MRPL1: variants seen among roughly 807,000 people sequenced by gnomAD.
The protein encoded by MRPL1 is large ribosomal subunit protein uL1m.
A neutral mutation model predicts 38.0 loss-of-function variants in MRPL1; 28 were observed. That is an observed-to-expected ratio of 0.74 (90% CI 0.55 to 1.01). The LOEUF (loss-of-function observed/expected upper bound fraction) is 1.01. MRPL1 is among the 50% of genes least tolerant of loss of function. MRPL1 has a pLI of 0.00. For synonymous variants in MRPL1, 123 were observed against 126.7 expected (o/e 0.97, Z 0.20); for missense variants, 358 against 389.8 (o/e 0.92, Z 0.69).
At chr4:77,902,405 A>AAC (rs1435237664) in intron 6 of MRPL1, among the ~76,000 whole-genome samples, 1 of 150,346 alleles carries the variant, frequency 6.7e-6, no homozygotes. Context: ...AAAAAAAAAA[A>AAC]CCGAGTTAGA....
chr4:77,864,111 T>C (rs754514746), intron 1 of MRPL1, among the ~76,000 whole-genome samples: 3 of 151,992 alleles, frequency 2.0e-5, no homozygotes, highest in Non-Finnish European at 4.4e-5. Flanking sequence ...GCCTACTTTG[T>C]GAGCAAACCA....
At chr4:77,904,191 G>T (rs1736101748) in intron 6 of MRPL1, among the ~76,000 whole-genome samples, 2 of 151,872 alleles carry the variant, frequency 1.3e-5, no homozygotes, top group South Asian at 4.2e-4. Context: ...AGGCTGCAGT[G>T]AGCTGAGATC....
Position 77,883,185 on chromosome 4 carries a change from T to A in MRPL1, c.144-57T>A, listed in dbSNP as rs1735584995. On this transcript the variant is annotated intron_variant, in intron 2 of 8. Transcript: ENST00000315567. ...TCTCTTATGTACACTGGCTTTTTTT[T>A]TAAAAAAAATCTCTTAGGATATATA... is the stretch of plus-strand genomic sequence containing the variant. 7.7e-6 allele frequency: 9 copies of A among 1,173,122 alleles called. 1 individual carries two copies. The African/African-American group carries it at 7.8e-5, about 10-fold the overall frequency. The allele number at this position is 1,173,122 out of a possible 1,614,324, so 72.7% of individuals were successfully genotyped here.
chr4:77,904,756 G>A (rs1018450147), intron 6 of MRPL1, among the ~76,000 whole-genome samples: 13 of 152,232 alleles, frequency 8.5e-5, no homozygotes, highest in African/African-American at 3.1e-4. Flanking sequence ...AAGGTGTCAA[G>A]GTTATATGGA....
rs1217974792 is a variant in MRPL1, at chr4:77,883,343, C to G, written c.245C>G (p.Pro82Arg). ...GCATATCCCTATATGGAAGGCGAACCTGAGGATGATGTCTATTTAAAACGC... is the reference window on the plus strand; with the variant it reads ...GCATATCCCTATATGGAAGGCGAACGTGAGGATGATGTCTATTTAAAACGC... Reference protein sequence around the residue: ...IKAYPYMEGEPEDDVYLKRLY... With the variant: ...IKAYPYMEGEREDDVYLKRLY... Residue 82 changes from proline (P) to arginine (R), a missense_variant, in exon 3 of 9, where the codon CCT becomes CGT. Pro to Arg is a moderately radical substitution (Grantham distance 103, BLOSUM62 -2). Transcript: ENST00000315567. The G allele has an allele frequency of 1.2e-6, 2 of 1,613,160 alleles. No individual in the cohort carries two copies. The highest frequency in any genetic ancestry group is 1.7e-5 in the Admixed American group (1 of 59,974).
chr4:77,874,175 A>G (rs1735342804), intron 2 of MRPL1, among the ~76,000 whole-genome samples: 1 of 151,874 alleles, frequency 6.6e-6, no homozygotes. Context: ...TTTAGTAGAG[A>G]CGGGGTTTCA....
At chr4:77,892,127 C>CTTTTTTTTTTTTTTTTTTTTT (rs34043885) in intron 5 of MRPL1, among the ~76,000 whole-genome samples, 1 of 145,008 alleles carries the variant, frequency 6.9e-6, no homozygotes. Flanking sequence ...GTAGTCATTT[C>CTTTTTTTTTTTTTTTTTTTTT]TTTTTTTTTT....
intron 7 of MRPL1, among the ~76,000 whole-genome samples, chr4:77,922,172 G>T (rs1291674078): frequency 1.3e-5 from 2 of 152,206 alleles, no homozygotes; most frequent in African/African-American, 4.8e-5. Flanking sequence ...GGAAGTGTAT[G>T]TAAGTAGTAG....
rs995558879 is a variant in MRPL1 at position 77,905,401 on chromosome 4, G to A, written c.671-3865G>A. ...AATCCCAGCTACTTGGGAGGCTGAG[G>A]CAGGAGAATTGCCTGAACCTGGGAG... On this transcript the variant is annotated intron_variant, in intron 6 of 8. Coordinates refer to ENST00000315567, the MANE Select transcript of MRPL1 (RefSeq NM_020236.4). Among the ~76,000 whole-genome samples the A allele has an allele frequency of 1.1e-4, 16 of 147,576 alleles. No individual in the cohort carries two copies. The Admixed American group carries it at 1.1e-3, about 10-fold the overall frequency.
Position 77,883,347 on chromosome 4 carries a change from GGAT to G in MRPL1, c.254_256del (p.Asp85del). On this transcript the variant is annotated inframe_deletion, in exon 3 of 9. Coordinates refer to ENST00000315567, the MANE Select transcript of MRPL1 (RefSeq NM_020236.4). Reference sequence around the variant, plus strand: ...ATCCCTATATGGAAGGCGAACCTGAGGATGATGTCTATTTAAAACGCTTATACC... The same window carrying G: ...ATCCCTATATGGAAGGCGAACCTGAGGATGTCTATTTAAAACGCTTATACC... The G allele has an allele frequency of 6.2e-7, 1 of 1,613,782 alleles. No individual in the cohort carries two copies. The highest frequency in any genetic ancestry group is 8.5e-7 in the Non-Finnish European group (1 of 1,179,894).
intron 7 of MRPL1, among the ~76,000 whole-genome samples, chr4:77,919,372 A>G (rs149623965): frequency 1.3e-4 from 20 of 152,284 alleles, no homozygotes; most frequent in African/African-American, 4.6e-4. Context: ...GTTCTTCATT[A>G]TAAGATAAGA....
intron 7 of MRPL1, among the ~76,000 whole-genome samples, chr4:77,919,338 A>G (rs74888873): frequency 0.053 from 8,064 of 152,162 alleles, 288 homozygotes; most frequent in African/African-American, 0.1. Flanking sequence ...GGCCACTTAC[A>G]TTGTTGCTGG....
intron 7 of MRPL1, among the ~76,000 whole-genome samples, chr4:77,920,931 T>A (rs1334736980): frequency 6.6e-6 from 1 of 152,034 alleles, no homozygotes; most frequent in African/African-American, 2.4e-5. Context: ...ATCCAGCTAA[T>A]TTTTTGTATT....
At chr4:77,883,032 A>G (rs1185652366) in intron 2 of MRPL1, among the ~76,000 whole-genome samples, 1 of 152,256 alleles carries the variant, frequency 6.6e-6, no homozygotes, top group Non-Finnish European at 1.5e-5. Flanking sequence ...GAGCAGCATC[A>G]GTGCGGTAAT....
intron 7 of MRPL1, among the ~76,000 whole-genome samples, chr4:77,927,916 A>G (rs1234790672): frequency 6.6e-6 from 1 of 152,230 alleles, no homozygotes; most frequent in African/African-American, 2.4e-5. Flanking sequence ...AGTTATATTT[A>G]TACCAAATCA....
chr4:77,937,960 G>T (rs1737026664), intron 7 of MRPL1, among the ~76,000 whole-genome samples: 1 of 151,520 alleles, frequency 6.6e-6, no homozygotes, highest in East Asian at 1.9e-4. Context: ...GAAACCAGAA[G>T]TCTATCAGGA....
chr4:77,870,658 A>G (rs1284374747), intron 1 of MRPL1, among the ~76,000 whole-genome samples: 2 of 152,210 alleles, frequency 1.3e-5, no homozygotes, highest in Non-Finnish European at 2.9e-5. Context: ...ATATGTTTAT[A>G]TATGTATATA....
intron 7 of MRPL1, among the ~76,000 whole-genome samples, chr4:77,912,126 C>T (rs1173358026): frequency 6.6e-6 from 1 of 152,158 alleles, no homozygotes; most frequent in Non-Finnish European, 1.5e-5. Flanking sequence ...AAAGTCAAAG[C>T]TGACATCATA....
In MRPL1 at chr4:77,885,317, A is replaced by G. The variant is rs147627539; in HGVS notation, c.464A>G (p.Asn155Ser). ...CCATACCCATTTGCTTCCGAAATCA[A>G]TAAAGTTGCTGTATTTACAGAGGTG... ...SLPYPFASEINKVAVFTENAS... is the reference protein window; with the variant it reads ...SLPYPFASEISKVAVFTENAS... Residue 155 changes from asparagine to serine, a missense_variant, in exon 4 of 9, where the codon AAT (asparagine) becomes AGT (serine). Asn to Ser is a conservative substitution (Grantham distance 46). Coordinates refer to ENST00000315567, the MANE Select transcript of MRPL1 (RefSeq NM_020236.4). The G allele has an allele frequency of 3.7e-6, 6 of 1,613,704 alleles. No homozygotes were observed. The African/African-American group carries it at 4.0e-5, about 11-fold the overall frequency.
Sources: allele counts gnomAD v4.1 joint callset (sites outside exome capture counted in the v4.1 genomes callset), GRCh38; gene constraint gnomAD v4.1.1; transcripts MANE v1.5; gene names NCBI Gene and HGNC (gene_info 2026-07-23, HGNC 2026-07-21).